Variants in GRM1 observed in about 807,000 individuals in gnomAD.
GRM1 encodes metabotropic glutamate receptor 1.
Under a neutral mutation model 90.9 loss-of-function variants are expected in GRM1, and 33 were observed. The observed-to-expected ratio is 0.36, with a 90% confidence interval of 0.28 to 0.49. The LOEUF (loss-of-function observed/expected upper bound fraction) is 0.49. GRM1 is among the 20% of genes least tolerant of loss of function. The pLI, the probability that GRM1 is intolerant of heterozygous loss-of-function variation, is 0.99. For missense variants in GRM1, 1,190 were observed against 1,534.3 expected, an observed-to-expected ratio of 0.78 and a Z score of 3.75; for synonymous variants, 700 against 613.2, an observed-to-expected ratio of 1.14 and a Z score of -2.09.
At chr6:146,247,401 C>G (rs1781097179) in intron 2 of GRM1, among the ~76,000 whole-genome samples, 1 of 152,068 alleles carries the variant, frequency 6.6e-6, no homozygotes, top group South Asian at 2.1e-4. Flanking sequence ...AGTGAAACAA[C>G]TTGAAAATAA....
At chr6:146,062,492 CAATAAAATAAAATAAAATAAAATAA>C in intron 1 of GRM1, among the ~76,000 whole-genome samples, 1 of 145,730 alleles carries the variant, frequency 6.9e-6, no homozygotes, top group Admixed American at 6.9e-5. Context: ...TAAAGTATAA[CAATAAAATAAAATAAAATAAAATAA>C]AATAAAATAA....
intron 1 of GRM1, among the ~76,000 whole-genome samples, chr6:146,043,127 C>CT: frequency 6.6e-6 from 1 of 151,550 alleles, no homozygotes. Context: ...GACCCCATCT[C>CT]TAAAAAAAAA....
At chr6:146,309,603 C>A (rs979026144) in intron 3 of GRM1, among the ~76,000 whole-genome samples, 4 of 151,780 alleles carry the variant, frequency 2.6e-5, no homozygotes, top group African/African-American at 7.3e-5. Flanking sequence ...TTATAACCAC[C>A]ATTTTAAAAG....
upstream of GRM1, among the ~76,000 whole-genome samples, chr6:146,028,903 A>C (rs1225693950): frequency 2.0e-5 from 3 of 151,828 alleles, no homozygotes; most frequent in African/African-American, 7.3e-5. Flanking sequence ...CACCTTCCCC[A>C]CCGCCCTCCA....
chr6:146,079,241 T>G (rs1776284689), intron 1 of GRM1, among the ~76,000 whole-genome samples: 1 of 152,148 alleles, frequency 6.6e-6, no homozygotes, highest in Admixed American at 6.5e-5. Flanking sequence ...GGCTGGACAT[T>G]AGGTTGAGCA....
At chr6:146,418,893 A>G (rs1261812779) in intron 7 of GRM1, among the ~76,000 whole-genome samples, 1 of 152,176 alleles carries the variant, frequency 6.6e-6, no homozygotes, top group African/African-American at 2.4e-5. Flanking sequence ...CGCATGAGAA[A>G]TTCTATGGTT....
chr6:146,292,051 T>C (rs952489134), intron 2 of GRM1, among the ~76,000 whole-genome samples: 11 of 151,970 alleles, frequency 7.2e-5, no homozygotes, highest in African/African-American at 2.7e-4. Context: ...GATCATTCCA[T>C]GGGAAAAATA....
At chr6:146,151,388 A>G (rs1777329719) in intron 1 of GRM1, among the ~76,000 whole-genome samples, 1 of 152,210 alleles carries the variant, frequency 6.6e-6, no homozygotes, top group Non-Finnish European at 1.5e-5. Context: ...TTGAAGATGC[A>G]CTGACAGGAT....
At chr6:146,292,885 A>G (rs1309931485) in intron 2 of GRM1, among the ~76,000 whole-genome samples, 2 of 152,000 alleles carry the variant, frequency 1.3e-5, no homozygotes, top group Non-Finnish European at 2.9e-5. Flanking sequence ...TCAGCAGACC[A>G]ATGGATAAAC....
chr6:146,194,982 AG>A (rs1254578086), intron 2 of GRM1, among the ~76,000 whole-genome samples: 1 of 152,240 alleles, frequency 6.6e-6, no homozygotes, highest in Non-Finnish European at 1.5e-5. Flanking sequence ...GAATTAAATG[AG>A]TTACTACATG....
intron 2 of GRM1, among the ~76,000 whole-genome samples, chr6:146,278,914 T>C (rs529360897): frequency 1.6e-3 from 249 of 152,224 alleles, no homozygotes; most frequent in African/African-American, 5.6e-3. Context: ...ACCGTGTTAG[T>C]CAGGATGGTC....
At chr6:146,228,461 C>CCATT in intron 2 of GRM1, among the ~76,000 whole-genome samples, 1 of 152,280 alleles carries the variant, frequency 6.6e-6, no homozygotes, top group South Asian at 2.1e-4. Context: ...ACAAATTAAT[C>CCATT]CATTCCTGAA....
intron 2 of GRM1, among the ~76,000 whole-genome samples, chr6:146,240,165 C>A (rs943335772): frequency 4.6e-5 from 7 of 152,032 alleles, no homozygotes; most frequent in Non-Finnish European, 1.0e-4. Context: ...GTGAAGAGAA[C>A]CTTTGTTGGC....
intron 1 of GRM1, among the ~76,000 whole-genome samples, chr6:146,049,681 A>G (rs896725413): frequency 3.3e-5 from 5 of 151,040 alleles, no homozygotes; most frequent in East Asian, 3.9e-4. Context: ...CTATCTATCT[A>G]TCTATCTATC....
In GRM1 at chr6:146,180,601, CTCTT is replaced by C. The variant is rs1329538019; in HGVS notation, c.950+21006_950+21009del. 2.6e-5 allele frequency among the ~76,000 whole-genome samples: 4 copies of C among 151,958 alleles called. No individual in the cohort carries two copies. The East Asian group carries it at 7.7e-4, about 29-fold the overall frequency. ...TTAAGAAAGAACTAAACCTTTTCTT[CTCTT>C]TGTCATATAGGTTTTGCAACCTTGA... is the stretch of plus-strand genomic sequence containing the variant. On this transcript the variant is annotated intron_variant, in intron 2 of 7. Transcript: ENST00000282753.
intron 7 of GRM1, among the ~76,000 whole-genome samples, chr6:146,410,627 G>A (rs931634973): frequency 3.3e-5 from 5 of 152,042 alleles, no homozygotes; most frequent in Admixed American, 6.6e-5. Context: ...TGGAGGTAGG[G>A]AAGGTCTACG....
intron 2 of GRM1, among the ~76,000 whole-genome samples, chr6:146,218,789 C>A (rs1027869228): frequency 9.9e-5 from 15 of 152,092 alleles, no homozygotes; most frequent in African/African-American, 3.6e-4. Flanking sequence ...TCACTAGGTG[C>A]ATTTAATATT....
chr6:146,189,633 A>C (rs143540925), intron 2 of GRM1, among the ~76,000 whole-genome samples: 1 of 152,298 alleles, frequency 6.6e-6, no homozygotes, highest in East Asian at 1.9e-4. Context: ...CTTCAGTACA[A>C]GTGAAGATAG....
chr6:146,188,441 A>C (rs1410907220), intron 2 of GRM1, among the ~76,000 whole-genome samples: 2 of 152,174 alleles, frequency 1.3e-5, no homozygotes, highest in Non-Finnish European at 2.9e-5. Flanking sequence ...TTGCTACCTC[A>C]GTTGCCACAG....
Sources: allele counts gnomAD v4.1 joint callset (sites outside exome capture counted in the v4.1 genomes callset), GRCh38; gene constraint gnomAD v4.1.1; transcripts MANE v1.5; gene names NCBI Gene and HGNC (gene_info 2026-07-23, HGNC 2026-07-21).